PPFIA2: variants seen among roughly 807,000 people sequenced by gnomAD.
PPFIA2 encodes PPFI scaffold protein A2, also known as liprin-alpha-2.
Under a neutral mutation model 175.5 loss-of-function variants are expected in PPFIA2, and 46 were observed. The ratio of observed to expected loss-of-function variants is 0.26; its 90% CI spans 0.21 to 0.34. The LOEUF is 0.34. Among genes scored for constraint, PPFIA2 ranks in the 10% least tolerant of loss-of-function variants. The probability of loss-of-function intolerance (pLI) is 1.00; values close to 1 mark genes in which losing one functional copy is unlikely to be tolerated. For missense variants in PPFIA2, 1,179 were observed against 1,506.1 expected, an observed-to-expected ratio of 0.78 and a Z score of 3.60; for synonymous variants, 568 against 511.4, an observed-to-expected ratio of 1.11 and a Z score of -1.49.
chr12:81,542,178 C>T (rs1309722101), intron 4 of PPFIA2, among the ~76,000 whole-genome samples: 2 of 151,994 alleles, frequency 1.3e-5, no homozygotes, highest in African/African-American at 4.8e-5. Context: ...TCCTTTAAGA[C>T]AGGGCAAGAG....
chr12:81,562,897 A>G (rs2070483631), intron 4 of PPFIA2, among the ~76,000 whole-genome samples: 1 of 151,002 alleles, frequency 6.6e-6, no homozygotes, highest in Admixed American at 6.6e-5. Context: ...TTGAATGTAC[A>G]ATAACTACTT....
rs2083532369 is a variant in PPFIA2 at position 81,749,949 on chromosome 12, C to T, written c.249+4024G>A. On this transcript the variant is annotated intron_variant, in intron 3 of 32. Coordinates refer to ENST00000549396, the MANE Select transcript of PPFIA2 (RefSeq NM_003625.5). ...AAAAGCCTTTTTTATGGGCCTAGTACTTTGGCAGTTCAGAGGGTTTTGCAT... is the reference window on the plus strand; with the variant it reads ...AAAAGCCTTTTTTATGGGCCTAGTATTTTGGCAGTTCAGAGGGTTTTGCAT... Among the ~76,000 whole-genome samples the T allele has an allele frequency of 1.4e-5, 2 of 143,958 alleles. 1 individual carries two copies. The highest frequency in any genetic ancestry group is 1.5e-4 in the Admixed American group (2 of 13,604). 94.4% of individuals were successfully genotyped at this position (143,958 alleles called of 152,430 possible).
At chr12:81,412,655 T>C (rs1334889326) in intron 7 of PPFIA2, among the ~76,000 whole-genome samples, 3 of 151,964 alleles carry the variant, frequency 2.0e-5, no homozygotes, top group South Asian at 4.1e-4. Flanking sequence ...GGATGAATCC[T>C]GGCCCATGTA....
Position 81,419,262 on chromosome 12 carries a change from G to T in PPFIA2, c.646-13359C>A, listed in dbSNP as rs376974937. ...GAAATTAAACCAGTTGCTCAACTAC[G>T]CTCTGCCTCAATTTTCCTATCTATA... On this transcript the variant is annotated intron_variant, in intron 7 of 32. Coordinates refer to ENST00000549396, the MANE Select transcript of PPFIA2 (RefSeq NM_003625.5). Among the ~76,000 whole-genome samples the T allele has an allele frequency of 9.9e-5, 15 of 151,882 alleles. No individual in the cohort carries two copies. In the East Asian group the frequency reaches 2.7e-3, roughly 27 times the overall value.
chr12:81,347,564 C>T lies in PPFIA2; in HGVS notation c.2201G>A (p.Arg734Lys), dbSNP rs1244129849. The change falls in exon 18 of 33, where the codon AGG becomes AAG. Residue 734 changes from arginine to lysine, a missense_variant. This residue lies in a region of PPFIA2 where 223 missense variants were observed against 241.6 expected (regional missense o/e 0.92). Coordinates refer to ENST00000549396, the MANE Select transcript of PPFIA2 (RefSeq NM_003625.5). Reference sequence around the variant, plus strand: ...CATGACTCCCATCCGATCCATTTCCCTGGCAGGGCTTCGAGGGGTGAGCTT... The same window carrying T: ...CATGACTCCCATCCGATCCATTTCCTTGGCAGGGCTTCGAGGGGTGAGCTT... ...TPKLTPRSPA[R>K]EMDRMGVMTL... 6.2e-7 allele frequency: 1 copy of T among 1,612,734 alleles called. No homozygotes were observed. The highest frequency in any genetic ancestry group is 2.2e-5 in the East Asian group (1 of 44,882).
At chr12:81,342,992 A>G (rs1397619512) in intron 19 of PPFIA2, among the ~76,000 whole-genome samples, 1 of 151,490 alleles carries the variant, frequency 6.6e-6, no homozygotes, top group Non-Finnish European at 1.5e-5. Context: ...TCATGTACAA[A>G]ACTTTCCTCT....
At chr12:81,535,500 A>T (rs563584208) in intron 4 of PPFIA2, 106 of 454,610 alleles carry the variant, frequency 2.3e-4, no homozygotes, top group African/African-American at 2.0e-3. Flanking sequence ...CCATGAGATC[A>T]GGTTGAGACA....
intron 4 of PPFIA2, among the ~76,000 whole-genome samples, chr12:81,469,642 A>C (rs1303370127): frequency 6.6e-6 from 1 of 152,220 alleles, no homozygotes; most frequent in African/African-American, 2.4e-5. Flanking sequence ...ATAGAGGTAA[A>C]TCTTTGCAAT....
chr12:81,588,022 A>C (rs2075529284), intron 4 of PPFIA2, among the ~76,000 whole-genome samples: 1 of 152,038 alleles, frequency 6.6e-6, no homozygotes, highest in African/African-American at 2.4e-5. Context: ...AATAAATTAT[A>C]TGCTCTCTAG....
rs2136035255 is a variant in PPFIA2 at position 81,258,291 on chromosome 12, A to G, written c.*1403T>C. 1 of 152,220 alleles carries G rather than the reference A, an allele frequency of 6.6e-6. No homozygotes were observed. Among genetic ancestry groups the G allele is most frequent in the South Asian group, 2.1e-4 (1 of 4,824 alleles). 9.4% of individuals were successfully genotyped at this position (152,220 alleles called of 1,614,324 possible). A position where few individuals can be genotyped will look rare whatever the true frequency, so the allele number is the denominator to read the frequency against. On this transcript the variant is annotated 3_prime_UTR_variant, in exon 33 of 33. Coordinates refer to ENST00000549396, the MANE Select transcript of PPFIA2 (RefSeq NM_003625.5). ...TGGAATTATTATTTTTTTTATTGACAATGGAAAGGGTTTCTGTTATCATTA... is the reference window on the plus strand; with the variant it reads ...TGGAATTATTATTTTTTTTATTGACGATGGAAAGGGTTTCTGTTATCATTA...
rs900248176 is a variant in PPFIA2, at chr12:81,581,069, A to G, written c.303+95722T>C. On this transcript the variant is annotated intron_variant, in intron 4 of 32. Coordinates refer to ENST00000549396, the MANE Select transcript of PPFIA2 (RefSeq NM_003625.5). ...TGAAGAAACAGTGAGATTTTAGCACACAGAAGTAGAAAATGGGGAAAGGAT... is the reference window on the plus strand; with the variant it reads ...TGAAGAAACAGTGAGATTTTAGCACGCAGAAGTAGAAAATGGGGAAAGGAT... Among the ~76,000 whole-genome samples, 10 of 151,946 alleles carry G rather than the reference A, an allele frequency of 6.6e-5. No individual in the cohort carries two copies. The East Asian group carries it at 9.7e-4, about 15-fold the overall frequency.
chr12:81,403,486 G>A (rs895626391), intron 8 of PPFIA2, among the ~76,000 whole-genome samples: 6 of 152,188 alleles, frequency 3.9e-5, no homozygotes, highest in African/African-American at 1.4e-4. Flanking sequence ...ACCAATAGGT[G>A]ATGGTCAGGT....
At chr12:81,368,661 T>A (rs1221154340) in intron 13 of PPFIA2, 64 bp downstream of exon 13, 45 of 1,474,978 alleles carry the variant, frequency 3.1e-5, no homozygotes, top group Non-Finnish European at 3.9e-5. Flanking sequence ...TGATTGCAGC[T>A]GTATATAAAA....
intron 17 of PPFIA2, among the ~76,000 whole-genome samples, chr12:81,351,301 A>C (rs1380622099): frequency 6.6e-6 from 1 of 152,150 alleles, no homozygotes; most frequent in East Asian, 1.9e-4. Context: ...ATAATATTAA[A>C]TTATGTCTCA....
At chr12:81,339,720 C>T (rs1008353343) in intron 20 of PPFIA2, among the ~76,000 whole-genome samples, 3 of 152,020 alleles carry the variant, frequency 2.0e-5, no homozygotes, top group Non-Finnish European at 4.4e-5. Context: ...TGACCTACAG[C>T]AAGGAACTGA....
intron 4 of PPFIA2, among the ~76,000 whole-genome samples, chr12:81,626,161 T>G: frequency 6.6e-6 from 1 of 151,834 alleles, no homozygotes; most frequent in South Asian, 2.1e-4. Flanking sequence ...ACTTTACGTA[T>G]ATTTCCTAAT....
At chr12:81,356,561 G>T (rs973733679) in intron 16 of PPFIA2, among the ~76,000 whole-genome samples, 3 of 152,036 alleles carry the variant, frequency 2.0e-5, no homozygotes, top group Non-Finnish European at 4.4e-5. Context: ...TACTTGGGAG[G>T]CTGAGATGGG....
chr12:81,572,439 ATATT>A (rs2072727144), intron 4 of PPFIA2, among the ~76,000 whole-genome samples: 1 of 152,018 alleles, frequency 6.6e-6, no homozygotes, highest in Non-Finnish European at 1.5e-5. Context: ...ATGTAAAGAC[ATATT>A]TATTTTCTTT....
At chr12:81,554,673 T>C (rs1320091228) in intron 4 of PPFIA2, among the ~76,000 whole-genome samples, 1 of 151,790 alleles carries the variant, frequency 6.6e-6, no homozygotes, top group East Asian at 1.9e-4. Flanking sequence ...ACAAGGGGAG[T>C]TTGAGGTGTA....
Sources: allele counts gnomAD v4.1 joint callset (sites outside exome capture counted in the v4.1 genomes callset), GRCh38; gene constraint gnomAD v4.1.1; regional missense constraint gnomAD v4.1.1; transcripts MANE v1.5; gene names NCBI Gene and HGNC (gene_info 2026-07-23, HGNC 2026-07-21).